KCND2: variants seen among roughly 807,000 people sequenced by gnomAD.
KCND2 encodes the protein potassium voltage-gated channel subfamily D member 2.
In KCND2, 16 loss-of-function variants were observed where a neutral mutation model predicts 54.4. That is an observed-to-expected ratio of 0.29 (90% confidence interval 0.20 to 0.45). The LOEUF (loss-of-function observed/expected upper bound fraction) is 0.45, where lower values mean the gene tolerates loss of function less well. Among genes scored for constraint, KCND2 ranks in the 20% least tolerant of loss-of-function variants. KCND2 has a pLI of 1.00. For missense variants in KCND2, 486 were observed against 824.2 expected, an observed-to-expected ratio of 0.59 and a Z score of 5.02; for synonymous variants, 317 against 310.7, an observed-to-expected ratio of 1.02 and a Z score of -0.21.
intron 1 of KCND2, among the ~76,000 whole-genome samples, chr7:120,484,463 A>T (rs1381530247): frequency 6.6e-6 from 1 of 150,980 alleles, no homozygotes; most frequent in Non-Finnish European, 1.5e-5. Flanking sequence ...CCTCTGATTT[A>T]TTATTATATA....
chr7:120,350,213 G>GTA (rs1800382578), intron 1 of KCND2, among the ~76,000 whole-genome samples: 1 of 152,012 alleles, frequency 6.6e-6, no homozygotes. Context: ...TTTTTATTGA[G>GTA]TGAATATAGT....
chr7:120,425,656 G>C (rs1801696414), intron 1 of KCND2, among the ~76,000 whole-genome samples: 1 of 152,212 alleles, frequency 6.6e-6, no homozygotes, highest in Admixed American at 6.5e-5. Flanking sequence ...TTGCCTCTTA[G>C]CACAGCAACA....
intron 1 of KCND2, among the ~76,000 whole-genome samples, chr7:120,616,071 G>A (rs925479446): frequency 1.3e-5 from 2 of 152,064 alleles, no homozygotes; most frequent in African/African-American, 2.4e-5. Flanking sequence ...GGTCATGAAC[G>A]CATATTTTTG....
intron 1 of KCND2, among the ~76,000 whole-genome samples, chr7:120,609,056 G>A (rs1417520308): frequency 2.6e-5 from 4 of 151,978 alleles, no homozygotes; most frequent in Admixed American, 6.6e-5. Context: ...GGTTTTCAGC[G>A]GGTTAATCAT....
chr7:120,296,365 A>C (rs1799514332), intron 1 of KCND2, among the ~76,000 whole-genome samples: 1 of 152,080 alleles, frequency 6.6e-6, no homozygotes, highest in Admixed American at 6.6e-5. Flanking sequence ...GATCTCATTA[A>C]GTTTAATTCC....
intron 1 of KCND2, among the ~76,000 whole-genome samples, chr7:120,311,523 A>G (rs549017716): frequency 6.6e-6 from 1 of 152,296 alleles, no homozygotes; most frequent in Admixed American, 6.5e-5. Context: ...AATGACTAAT[A>G]TTTATTAACC....
chr7:120,603,861 C>G (rs1391764948), intron 1 of KCND2, among the ~76,000 whole-genome samples: 1 of 152,144 alleles, frequency 6.6e-6, no homozygotes, highest in African/African-American at 2.4e-5. Flanking sequence ...AAATTATACC[C>G]TTTGTCCCAC....
chr7:120,737,702 T>C (rs1792892178), intron 2 of KCND2, among the ~76,000 whole-genome samples: 1 of 152,068 alleles, frequency 6.6e-6, no homozygotes, highest in Non-Finnish European at 1.5e-5. Flanking sequence ...AAGTTTACTA[T>C]GTTACCTCAA....
chr7:120,509,493 T>C (rs1007032190), intron 1 of KCND2, among the ~76,000 whole-genome samples: 1 of 152,086 alleles, frequency 6.6e-6, no homozygotes, highest in Non-Finnish European at 1.5e-5. Context: ...TATTCAAAAG[T>C]AATCTCTTAT....
At chr7:120,574,254 T>TG (rs1461522585) in intron 1 of KCND2, among the ~76,000 whole-genome samples, 1 of 152,280 alleles carries the variant, frequency 6.6e-6, no homozygotes, top group East Asian at 1.9e-4. Context: ...GTATTTTGGG[T>TG]GTATATTGAC....
At position 120,275,492 on chromosome 7, in the gene KCND2, G is replaced by C; in HGVS notation, c.860G>C (p.Gly287Ala). Residue 287 changes from glycine to alanine, a missense_variant, in exon 1 of 6, where the codon GGA (glycine) becomes GCA (alanine). This residue lies in a region of KCND2 where 12 missense variants were observed against 67.0 expected (regional missense o/e 0.18). Transcript: ENST00000331113. Reference protein sequence around the residue: ...LVMTDNEDVSGAFVTLRVFRV... With the variant: ...LVMTDNEDVSAAFVTLRVFRV... ...ATGACAGACAATGAGGACGTCAGCGGAGCCTTTGTCACACTCCGAGTCTTC... is the reference window on the plus strand; with the variant it reads ...ATGACAGACAATGAGGACGTCAGCGCAGCCTTTGTCACACTCCGAGTCTTC... 1 of 1,612,948 alleles carries C rather than the reference G, an allele frequency of 6.2e-7. No individual in the cohort carries two copies. The highest frequency in any genetic ancestry group is 8.5e-7 in the Non-Finnish European group (1 of 1,179,350).
intron 4 of KCND2, among the ~76,000 whole-genome samples, chr7:120,745,077 G>T (rs1213747672): frequency 6.6e-6 from 1 of 152,106 alleles, no homozygotes; most frequent in Non-Finnish European, 1.5e-5. Context: ...GAGATCATGA[G>T]TACAGCCAGT....
intron 1 of KCND2, among the ~76,000 whole-genome samples, chr7:120,724,645 AG>A (rs1340408803): frequency 6.6e-6 from 1 of 152,182 alleles, no homozygotes; most frequent in Non-Finnish European, 1.5e-5. Flanking sequence ...GCTTTTATGC[AG>A]GAGAATGACA....
At chr7:120,309,462 TATATATATATATACAC>T (rs1303598783) in intron 1 of KCND2, among the ~76,000 whole-genome samples, 5 of 117,702 alleles carry the variant, frequency 4.2e-5, no homozygotes, top group Non-Finnish European at 8.9e-5. Flanking sequence ...CATATATATA[TATATATATATATACAC>T]ACACACACAC....
chr7:120,499,719 C>G (rs984899846), intron 1 of KCND2, among the ~76,000 whole-genome samples: 3 of 152,056 alleles, frequency 2.0e-5, no homozygotes. Flanking sequence ...ATGTCATTGC[C>G]AAAATGTTTT....
chr7:120,369,934 C>T (rs560856731), intron 1 of KCND2, among the ~76,000 whole-genome samples: 4 of 151,962 alleles, frequency 2.6e-5, no homozygotes, highest in South Asian at 2.1e-4. Context: ...CTATGTTAAA[C>T]GGTAAGTACT....
chr7:120,291,484 GAAAC>G (rs917788739), intron 1 of KCND2, among the ~76,000 whole-genome samples: 2 of 151,848 alleles, frequency 1.3e-5, no homozygotes, highest in African/African-American at 2.4e-5. Context: ...TTGTTTAGCA[GAAAC>G]AAACAAATAT....
At chr7:120,721,818 T>G (rs568353623) in intron 1 of KCND2, among the ~76,000 whole-genome samples, 2 of 152,246 alleles carry the variant, frequency 1.3e-5, no homozygotes, top group South Asian at 4.1e-4. Flanking sequence ...AATCTCATCT[T>G]GAATTGTAGC....
intron 1 of KCND2, among the ~76,000 whole-genome samples, chr7:120,285,718 A>G (rs1187284984): frequency 2.0e-5 from 3 of 151,898 alleles, no homozygotes; most frequent in Admixed American, 6.6e-5. Context: ...GTTGTCTGCT[A>G]TTACTTTTTT....
Sources: allele counts gnomAD v4.1 joint callset (sites outside exome capture counted in the v4.1 genomes callset), GRCh38; gene constraint gnomAD v4.1.1; regional missense constraint gnomAD v4.1.1; transcripts MANE v1.5; gene names NCBI Gene and HGNC (gene_info 2026-07-23, HGNC 2026-07-21).